Variants in RC3H2 observed in about 807,000 individuals in gnomAD.
The protein encoded by RC3H2 is roquin-2.
A neutral mutation model predicts 133.3 loss-of-function variants in RC3H2; 31 were observed. The observed-to-expected ratio is 0.23, with a 90% confidence interval of 0.17 to 0.31. The LOEUF is 0.31. Ranked by LOEUF, RC3H2 falls within the 10% of genes least tolerant of loss-of-function variation. RC3H2 has a pLI of 1.00. For missense variants in RC3H2, 1,175 were observed against 1,437.2 expected, an observed-to-expected ratio of 0.82 and a Z score of 2.95; for synonymous variants, 517 against 502.2, an observed-to-expected ratio of 1.03 and a Z score of -0.40.
chr9:122,853,642 C>T (rs1448087154), intron 18 of RC3H2: 6 of 515,684 alleles, frequency 1.2e-5, no homozygotes, highest in Non-Finnish European at 1.6e-5. Flanking sequence ...ATCCCAGCTA[C>T]TCGGGAAGCT....
intron 9 of RC3H2, chr9:122,875,350 T>C (rs200263633): frequency 2.7e-4 from 412 of 1,550,360 alleles, no homozygotes; most frequent in Non-Finnish European, 3.5e-4. Flanking sequence ...AATGAAGATA[T>C]AGTCCACGGG....
intron 4 of RC3H2, among the ~76,000 whole-genome samples, chr9:122,889,382 T>C (rs1394541108): frequency 3.3e-5 from 5 of 152,178 alleles, no homozygotes; most frequent in African/African-American, 1.2e-4. Context: ...GTAATTTATA[T>C]AGTTTATAGA....
rs764160029 is a variant in RC3H2, at chr9:122,855,883, T to G, written c.2455-5A>C. 1 of 1,594,714 alleles carries G rather than the reference T, an allele frequency of 6.3e-7. No individual in the cohort carries two copies. The highest frequency in any genetic ancestry group is 8.5e-7 in the Non-Finnish European group (1 of 1,173,068). ...ACCACTCACACTCTCTGAGAACTGG[T>G]TAAAAAAAAATAAATAAAGCCAATT... is the stretch of plus-strand genomic sequence containing the variant. On this transcript the variant is annotated splice_region_variant and splice_polypyrimidine_tract_variant and intron_variant, in intron 13 of 20. Coordinates refer to ENST00000357244, the MANE Select transcript of RC3H2 (RefSeq NM_001100588.3).
chr9:122,866,194 T>C (rs1461037256), intron 9 of RC3H2, among the ~76,000 whole-genome samples: 2 of 152,222 alleles, frequency 1.3e-5, no homozygotes, highest in Non-Finnish European at 2.9e-5. Flanking sequence ...AAATTCTGTA[T>C]TATAGTTCTC....
intron 18 of RC3H2, among the ~76,000 whole-genome samples, chr9:122,852,787 G>A (rs1277145649): frequency 1.3e-4 from 19 of 151,028 alleles, no homozygotes; most frequent in South Asian, 4.2e-4. Context: ...CTGGCCAGCC[G>A]CCCCATCCGG....
rs1294765463 is a variant in RC3H2 at position 122,870,401 on chromosome 9, CAAACAAACAAACAAAA to C, written c.1326-4760_1326-4745del. ...AAAAACAAACAAACAAACAAACAAA[CAAACAAACAAACAAAA>C]AAAAAACAACAAACTGAGATAATCC... On this transcript the variant is annotated intron_variant, in intron 9 of 20. Transcript: ENST00000357244. Among the ~76,000 whole-genome samples, 444 of 127,412 alleles carry C rather than the reference CAAACAAACAAACAAAA, an allele frequency of 3.5e-3. 2 individuals are homozygous for C. The highest frequency in any genetic ancestry group is 0.012 in the African/African-American group (420 of 34,194). 83.6% of individuals were successfully genotyped at this position (127,412 alleles called of 152,430 possible).
intron 2 of RC3H2, among the ~76,000 whole-genome samples, chr9:122,896,105 C>A (rs1588113744): frequency 1.5e-5 from 2 of 129,568 alleles, no homozygotes. Context: ...CTAACACTAA[C>A]AATAGCTGAT....
Position 122,880,061 on chromosome 9 carries a change from C to G in RC3H2, c.1025G>C (p.Gly342Ala). The change falls in exon 7 of 21, where the codon GGT becomes GCT. Residue 342 changes from glycine (G) to alanine (A), a missense_variant. Around this residue, in one of 8 missense-constraint regions of RC3H2, gnomAD observed 131 missense variants for 154.2 expected, o/e 0.85. Coordinates refer to ENST00000357244, the MANE Select transcript of RC3H2 (RefSeq NM_001100588.3). ...CAGTCTATTTAAGTTAGCTGGGTCA[C>G]CTGTTCGTTGCAAAACAATTGTCAA... Reference protein sequence around the residue: ...QELTIVLQRTGDPANLNRLRP... With the variant: ...QELTIVLQRTADPANLNRLRP... 1 of 1,614,142 alleles carries G rather than the reference C, an allele frequency of 6.2e-7. No homozygotes were observed. Among genetic ancestry groups the G allele is most frequent in the Non-Finnish European group, 8.5e-7 (1 of 1,179,984 alleles).
chr9:122,864,675 C>A (rs1339809971), intron 10 of RC3H2, among the ~76,000 whole-genome samples: 9 of 151,634 alleles, frequency 5.9e-5, no homozygotes, highest in African/African-American at 1.9e-4. Context: ...GGCTGGATTG[C>A]AGTAGCACGA....
At chr9:122,869,696 G>A (rs1458808697) in intron 9 of RC3H2, among the ~76,000 whole-genome samples, 1 of 151,720 alleles carries the variant, frequency 6.6e-6, no homozygotes, top group Non-Finnish European at 1.5e-5. Context: ...TGGAGTACAG[G>A]TGCACATTAT....
chr9:122,876,435 C>T (rs1433711788), intron 9 of RC3H2, among the ~76,000 whole-genome samples: 1 of 152,108 alleles, frequency 6.6e-6, no homozygotes, highest in Non-Finnish European at 1.5e-5. Context: ...TGAGACCCGC[C>T]TGGTGAACAT....
chr9:122,876,234 C>T (rs1390030728), intron 9 of RC3H2, among the ~76,000 whole-genome samples: 1 of 152,036 alleles, frequency 6.6e-6, no homozygotes, highest in Non-Finnish European at 1.5e-5. Context: ...AAACTGGGTA[C>T]ACGAGGTGAG....
At chr9:122,865,130 G>T (rs970409291) in intron 10 of RC3H2, among the ~76,000 whole-genome samples, 12 of 152,084 alleles carry the variant, frequency 7.9e-5, no homozygotes, top group Non-Finnish European at 1.8e-4. Context: ...ACAAAACTCA[G>T]AGTTAAAGTC....
At chr9:122,903,258 G>A (rs1045795298) in intron 1 of RC3H2, among the ~76,000 whole-genome samples, 2 of 152,138 alleles carry the variant, frequency 1.3e-5, no homozygotes, top group Admixed American at 6.5e-5. Flanking sequence ...TTTTCAGCTA[G>A]CTTTATTTTA....
intron 18 of RC3H2, among the ~76,000 whole-genome samples, chr9:122,853,046 C>G (rs1418062173): frequency 6.6e-6 from 1 of 152,244 alleles, no homozygotes; most frequent in Admixed American, 6.5e-5. Context: ...AAGAAAAATT[C>G]TTCTGCCTTG....
At chr9:122,851,513 T>C (rs969126073) in intron 18 of RC3H2, 77 bp from the exon 19 acceptor site, 100 of 1,533,230 alleles carry the variant, frequency 6.5e-5, no homozygotes, top group Non-Finnish European at 8.5e-5. Flanking sequence ...GGTCTCCCTC[T>C]CCCTCTCTTT....
chr9:122,898,628 A>G (rs1832522013), intron 1 of RC3H2, among the ~76,000 whole-genome samples: 2 of 152,058 alleles, frequency 1.3e-5, no homozygotes, highest in South Asian at 4.1e-4. Context: ...ACATGCCTGT[A>G]ATTCCAGCTA....
intron 2 of RC3H2, among the ~76,000 whole-genome samples, chr9:122,894,442 CATA>C (rs1832332459): frequency 6.6e-6 from 1 of 152,020 alleles, no homozygotes; most frequent in African/African-American, 2.4e-5. Context: ...AAATTAAAAA[CATA>C]ATAAATTTGT....
intron 1 of RC3H2, among the ~76,000 whole-genome samples, chr9:122,899,817 C>G (rs1301364788): frequency 6.6e-6 from 1 of 152,186 alleles, no homozygotes; most frequent in Non-Finnish European, 1.5e-5. Context: ...TTTATGAAAA[C>G]AGGACACTGC....
Sources: allele counts gnomAD v4.1 joint callset (sites outside exome capture counted in the v4.1 genomes callset), GRCh38; gene constraint gnomAD v4.1.1; regional missense constraint gnomAD v4.1.1; transcripts MANE v1.5; gene names NCBI Gene and HGNC (gene_info 2026-07-23, HGNC 2026-07-21).